PLPP1: variants seen among roughly 807,000 people sequenced by gnomAD.
The protein encoded by PLPP1 is phospholipid phosphatase 1.
PLPP1 carries 24 observed loss-of-function variants against 31.2 expected under a neutral mutation model. That is an observed-to-expected ratio of 0.77 (90% confidence interval 0.56 to 1.08). The LOEUF (loss-of-function observed/expected upper bound fraction) is 1.08. Ranked by LOEUF, PLPP1 falls within the 50% of genes least tolerant of loss-of-function variation. The probability of loss-of-function intolerance (pLI) is 0.00; values close to 1 mark genes in which losing one functional copy is unlikely to be tolerated. For missense variants in PLPP1, 319 were observed against 342.7 expected (o/e 0.93, Z 0.55); for synonymous variants, 146 against 126.3 (o/e 1.16, Z -1.05).
chr5:55,481,238 A>G (rs1235923214), intron 1 of PLPP1, among the ~76,000 whole-genome samples: 1 of 152,242 alleles, frequency 6.6e-6, no homozygotes, highest in Non-Finnish European at 1.5e-5. Context: ...TGGGGTATCC[A>G]GCAAATCTGG....
chr5:55,431,508 A>G (rs1418602086), intron 4 of PLPP1, among the ~76,000 whole-genome samples: 1 of 151,708 alleles, frequency 6.6e-6, no homozygotes, highest in Non-Finnish European at 1.5e-5. Context: ...TGAAAATTAA[A>G]CAACATGCTC....
At chr5:55,503,141 T>G (rs1179280698) in intron 1 of PLPP1, among the ~76,000 whole-genome samples, 1 of 152,222 alleles carries the variant, frequency 6.6e-6, no homozygotes, top group East Asian at 1.9e-4. Flanking sequence ...AACTGCTTCC[T>G]CTTACTCCCA....
At chr5:55,443,192 A>AAAAAAAAAAAAT in intron 3 of PLPP1, among the ~76,000 whole-genome samples, 3 of 25,416 alleles carry the variant, frequency 1.2e-4, no homozygotes, top group African/African-American at 2.2e-4. Flanking sequence ...AAAAAAAAAA[A>AAAAAAAAAAAAT]ATATATATAT....
intron 1 of PLPP1, among the ~76,000 whole-genome samples, chr5:55,496,606 C>A (rs1429489758): frequency 6.6e-6 from 1 of 152,184 alleles, no homozygotes; most frequent in Non-Finnish European, 1.5e-5. Context: ...TCATTTAATC[C>A]TCTTCAAATT....
At chr5:55,491,860 GAA>G (rs35303375) in intron 1 of PLPP1, among the ~76,000 whole-genome samples, 1 of 102,288 alleles carries the variant, frequency 9.8e-6, no homozygotes, top group African/African-American at 3.9e-5. Flanking sequence ...TCAATCTCAG[GAA>G]AAAAAAAAAA....
Position 55,491,142 on chromosome 5 carries a change from CAT to C in PLPP1, c.59-15694_59-15693del, listed in dbSNP as rs760248236. ...GTTGGGGAAGGGAAAAAAAGACACACATGATTAAATTCAATTCACTTCATTAG... is the reference window on the plus strand; with the variant it reads ...GTTGGGGAAGGGAAAAAAAGACACACGATTAAATTCAATTCACTTCATTAG... On this transcript the variant is annotated intron_variant, in intron 1 of 5. Coordinates refer to ENST00000307259, the MANE Select transcript of PLPP1 (RefSeq NM_003711.4). 11 of 1,601,598 alleles carry C rather than the reference CAT, an allele frequency of 6.9e-6. No homozygotes were observed. The African/African-American group carries it at 1.5e-4, about 22-fold the overall frequency.
At chr5:55,442,308 A>T (rs183262615) in intron 3 of PLPP1, among the ~76,000 whole-genome samples, 1 of 152,212 alleles carries the variant, frequency 6.6e-6, no homozygotes, top group African/African-American at 2.4e-5. Context: ...ATAATGTCAT[A>T]CCTCCTTGGG....
Position 55,425,053 on chromosome 5 carries a change from C to T in PLPP1, c.*153G>A, listed in dbSNP as rs1751134910. 1 of 1,050,160 alleles carries T rather than the reference C, an allele frequency of 9.5e-7. No individual in the cohort carries two copies. Among genetic ancestry groups the T allele is most frequent in the Non-Finnish European group, 1.4e-6 (1 of 725,432 alleles). 65.1% of individuals were successfully genotyped at this position (1,050,160 alleles called of 1,614,324 possible). On this transcript the variant is annotated 3_prime_UTR_variant, in exon 6 of 6. Transcript: ENST00000307259. ...TAGATAACCACTGAGTTAAAGGTAA[C>T]TATGTACACACAAAGTGTGCATCCA...
At position 55,482,243 on chromosome 5, in the gene PLPP1, G is replaced by A. The variant is rs1029744283; in HGVS notation, c.59-6793C>T. On this transcript the variant is annotated intron_variant, in intron 1 of 5. Coordinates refer to ENST00000307259, the MANE Select transcript of PLPP1 (RefSeq NM_003711.4). ...ACACACACATCTCCAGTCAGGATAC[G>A]CATTCAATGTAAGTCTCCTTTGTCC... is the stretch of plus-strand genomic sequence containing the variant. Among the ~76,000 whole-genome samples, 56 of 149,962 alleles carry A rather than the reference G, an allele frequency of 3.7e-4. No homozygotes were observed. In the East Asian group the frequency reaches 5.8e-3, roughly 16 times the overall value.
chr5:55,434,174 C>CA (rs1316199087), intron 4 of PLPP1, among the ~76,000 whole-genome samples: 1 of 144,742 alleles, frequency 6.9e-6, no homozygotes, highest in Non-Finnish European at 1.5e-5. Flanking sequence ...ACAATAGCTA[C>CA]AAAAAAAGAA....
intron 4 of PLPP1, among the ~76,000 whole-genome samples, chr5:55,429,765 A>G (rs2111664906): frequency 6.6e-6 from 1 of 152,208 alleles, no homozygotes; most frequent in South Asian, 2.1e-4. Flanking sequence ...GGGCCAAAGT[A>G]TACAAGCTAC....
At chr5:55,441,575 A>C (rs1201530624) in intron 4 of PLPP1, among the ~76,000 whole-genome samples, 1 of 152,174 alleles carries the variant, frequency 6.6e-6, no homozygotes, top group Non-Finnish European at 1.5e-5. Flanking sequence ...GTTAGGGAGG[A>C]GGTTAACAAG....
intron 2 of PLPP1, among the ~76,000 whole-genome samples, chr5:55,472,644 G>GAGAA (rs1180463092): frequency 1.2e-5 from 1 of 86,750 alleles, no homozygotes; most frequent in Non-Finnish European, 2.6e-5. Context: ...GACAGAGAGA[G>GAGAA]AGAAAGAAAG....
intron 1 of PLPP1, among the ~76,000 whole-genome samples, chr5:55,512,481 A>G (rs1215835357): frequency 4.2e-3 from 31 of 7,354 alleles, no homozygotes; most frequent in African/African-American, 9.6e-3. Context: ...AAAAAAAAAA[A>G]AAGAAAGAAA....
At position 55,468,085 on chromosome 5, in the gene PLPP1, T is replaced by A. The variant is rs1752342792; in HGVS notation, c.275A>T (p.Asn92Ile). 1.2e-6 allele frequency: 2 copies of A among 1,613,608 alleles called. No homozygotes were observed. The change falls in exon 3 of 6, where the codon AAT (asparagine) becomes ATT (isoleucine). Residue 92 changes from asparagine (N) to isoleucine (I), a missense_variant. By Grantham distance (149) the Asn-to-Ile change is moderately radical. Coordinates refer to ENST00000307259, the MANE Select transcript of PLPP1 (RefSeq NM_003711.4). ...TTTGTAAATAGTGGCTATGTAGTTATTCCTGATAAAGGAATTTGAGTGCAA... is the reference window on the plus strand; with the variant it reads ...TTTGTAAATAGTGGCTATGTAGTTAATCCTGATAAAGGAATTTGAGTGCAA... The part of the protein sequence containing the change: ...NLLHSNSFIR[N>I]NYIATIYKAI...
intron 1 of PLPP1, among the ~76,000 whole-genome samples, chr5:55,522,084 T>C (rs1342549018): frequency 6.6e-6 from 1 of 152,104 alleles, no homozygotes; most frequent in Non-Finnish European, 1.5e-5. Flanking sequence ...TGAAAAAGAC[T>C]CAGGAAACAT....
At chr5:55,495,055 C>T (rs934457923) in intron 1 of PLPP1, among the ~76,000 whole-genome samples, 3 of 150,684 alleles carry the variant, frequency 2.0e-5, no homozygotes, top group Non-Finnish European at 2.9e-5. Flanking sequence ...CGCTTGAACC[C>T]GGGAGGCAGA....
intron 3 of PLPP1, among the ~76,000 whole-genome samples, chr5:55,448,786 G>A (rs1321356466): frequency 6.6e-6 from 1 of 152,080 alleles, no homozygotes; most frequent in Non-Finnish European, 1.5e-5. Flanking sequence ...TCGCCCCATG[G>A]TATCTGTGGG....
chr5:55,475,151 G>T, intron 2 of PLPP1, 148 bp downstream of exon 2: 1 of 749,134 alleles, frequency 1.3e-6, no homozygotes, highest in Non-Finnish European at 2.0e-6. Context: ...AAATAGCTGA[G>T]ATTCTCTTGA....
Sources: gnomAD v4.1 joint callset for allele counts (sites outside exome capture counted in the v4.1 genomes callset) on GRCh38, gnomAD v4.1.1 for gene constraint, MANE v1.5 for transcripts, NCBI Gene and HGNC (gene_info 2026-07-23, HGNC 2026-07-21) for gene names.